Variants in TYW1B observed in about 807,000 individuals in gnomAD.
The protein encoded by TYW1B is tRNA-yW synthesizing protein 1 homolog B.
TYW1B carries 73 observed loss-of-function variants against 86.9 expected under a neutral mutation model. The ratio of observed to expected loss-of-function variants is 0.84; its 90% CI spans 0.70 to 1.02. TYW1B has a LOEUF of 1.02. TYW1B is among the 50% of genes least tolerant of loss of function. TYW1B has a pLI of 0.00. For synonymous variants in TYW1B, 248 were observed against 292.8 expected (o/e 0.85, Z 1.56); for missense variants, 637 against 827.4 (o/e 0.77, Z 2.82).
intron 13 of TYW1B, among the ~76,000 whole-genome samples, chr7:72,610,626 TTTGTTGTTG>T (rs71517348): frequency 8.9e-5 from 13 of 146,450 alleles, no homozygotes; most frequent in South Asian, 2.1e-4. Context: ...TTATAACAGG[TTTGTTGTTG>T]TTGTTGTTGT....
At chr7:72,582,564 G>C (rs1423222305) in intron 13 of TYW1B, among the ~76,000 whole-genome samples, 1 of 152,210 alleles carries the variant, frequency 6.6e-6, no homozygotes, top group East Asian at 1.9e-4. Context: ...TCTCCTAGAA[G>C]TTGCGTTTCC....
intron 7 of TYW1B, among the ~76,000 whole-genome samples, chr7:72,757,303 G>C (rs1787608324): frequency 6.6e-6 from 1 of 151,710 alleles, no homozygotes; most frequent in Non-Finnish European, 1.5e-5. Flanking sequence ...GGGAGGCGGA[G>C]GTTGCAGTGA....
chr7:72,608,812 C>T (rs1235283958), intron 13 of TYW1B, among the ~76,000 whole-genome samples: 2 of 152,222 alleles, frequency 1.3e-5, no homozygotes, highest in African/African-American at 4.8e-5. Context: ...AGGAGATTAG[C>T]GGTTGCCAGA....
intron 10 of TYW1B, among the ~76,000 whole-genome samples, chr7:72,708,697 G>A (rs1432670494): frequency 2.0e-5 from 3 of 152,172 alleles, no homozygotes; most frequent in Non-Finnish European, 4.4e-5. Context: ...ACAGAAATAA[G>A]TAAGATTATC....
At chr7:72,608,282 A>C (rs1280062361) in intron 13 of TYW1B, among the ~76,000 whole-genome samples, 2 of 152,216 alleles carry the variant, frequency 1.3e-5, no homozygotes. Context: ...AAATACAATA[A>C]ACTCTTCTTC....
chr7:72,614,675 A>G (rs1812027312), intron 13 of TYW1B, among the ~76,000 whole-genome samples: 1 of 151,914 alleles, frequency 6.6e-6, no homozygotes, highest in African/African-American at 2.4e-5. Flanking sequence ...GATAGTACCT[A>G]CCTTGTAGGG....
chr7:72,712,681 A>G (rs1460836826), intron 10 of TYW1B, among the ~76,000 whole-genome samples: 3 of 152,142 alleles, frequency 2.0e-5, no homozygotes, highest in South Asian at 2.1e-4. Flanking sequence ...TTCCACCCTT[A>G]TAACTCTGAC....
At chr7:72,620,493 G>A (rs1554437769) in intron 12 of TYW1B, among the ~76,000 whole-genome samples, 1 of 152,140 alleles carries the variant, frequency 6.6e-6, no homozygotes, top group African/African-American at 2.4e-5. Flanking sequence ...GCCAGAGGCT[G>A]CACCGTGACA....
chr7:72,713,564 T>C (rs1189374184), intron 10 of TYW1B, 57 bp downstream of exon 10: 22 of 1,464,088 alleles, frequency 1.5e-5, no homozygotes, highest in Non-Finnish European at 2.0e-5. Flanking sequence ...CTATTAGTTT[T>C]ACTTTGCAGT....
chr7:72,792,664 A>G (rs1788240970), intron 6 of TYW1B, among the ~76,000 whole-genome samples: 1 of 152,208 alleles, frequency 6.6e-6, no homozygotes, highest in South Asian at 2.1e-4. Context: ...TCAGCCACAA[A>G]AAATATGAGC....
At chr7:72,726,946 G>A (rs1203549440) in intron 9 of TYW1B, among the ~76,000 whole-genome samples, 3 of 152,088 alleles carry the variant, frequency 2.0e-5, no homozygotes, top group Non-Finnish European at 4.4e-5. Context: ...CAGAGCAAAG[G>A]GGGAAGAGCC....
chr7:72,764,517 G>A (rs188396150), intron 7 of TYW1B, among the ~76,000 whole-genome samples: 7 of 152,234 alleles, frequency 4.6e-5, no homozygotes, highest in South Asian at 4.1e-4. Flanking sequence ...TCCTAACCTC[G>A]TCATCCGCCC....
At chr7:72,736,408 T>C (rs1329112620) in intron 8 of TYW1B, among the ~76,000 whole-genome samples, 1 of 152,226 alleles carries the variant, frequency 6.6e-6, no homozygotes, top group Non-Finnish European at 1.5e-5. Flanking sequence ...ATTGATTTCT[T>C]TATTACGGCT....
At position 72,828,149 on chromosome 7, in the gene TYW1B, G is replaced by C; in HGVS notation, c.-74C>G. ...AAGGTTCGCACTGGTACTGCGAGAC[G>C]CACCGAGCTACCTCGCGGCGTTAGC... On this transcript the variant is annotated 5_prime_UTR_variant, in exon 1 of 14. Coordinates refer to ENST00000620995, the MANE Select transcript of TYW1B (RefSeq NM_001145440.3). 2 of 1,603,614 alleles carry C rather than the reference G, an allele frequency of 1.2e-6. No individual in the cohort carries two copies. Among genetic ancestry groups the C allele is most frequent in the African/African-American group, 1.3e-5 (1 of 74,900 alleles).
At chr7:72,655,710 C>T (rs1438467619) in intron 11 of TYW1B, among the ~76,000 whole-genome samples, 11 of 152,186 alleles carry the variant, frequency 7.2e-5, no homozygotes, top group African/African-American at 9.6e-5. Context: ...CCATAGTCAC[C>T]GGTAGCAACC....
intron 7 of TYW1B, among the ~76,000 whole-genome samples, chr7:72,756,619 G>A (rs1563083553): frequency 6.6e-6 from 1 of 152,146 alleles, no homozygotes. Context: ...AACAGGCTGA[G>A]AAAAGGTCTG....
intron 6 of TYW1B, among the ~76,000 whole-genome samples, chr7:72,792,634 A>T (rs1245845652): frequency 2.6e-5 from 4 of 152,210 alleles, no homozygotes; most frequent in African/African-American, 9.6e-5. Context: ...TTAGGAATTT[A>T]TTCTTCAGAT....
chr7:72,607,213 A>G (rs1241093749), intron 13 of TYW1B, among the ~76,000 whole-genome samples: 1 of 151,810 alleles, frequency 6.6e-6, no homozygotes, highest in South Asian at 2.1e-4. Flanking sequence ...GCCAACATGG[A>G]GAAACCCCAT....
chr7:72,744,451 A>G (rs575651173), intron 8 of TYW1B, 33 bp downstream of exon 8: 15 of 1,590,944 alleles, frequency 9.4e-6, no homozygotes, highest in East Asian at 4.5e-5. Context: ...CTCATTACAT[A>G]TTCGATCACC....
Sources: allele counts gnomAD v4.1 joint callset (sites outside exome capture counted in the v4.1 genomes callset), GRCh38; gene constraint gnomAD v4.1.1; transcripts MANE v1.5; gene names NCBI Gene and HGNC (gene_info 2026-07-23, HGNC 2026-07-21).